Variants in ROBO1 observed in about 807,000 individuals in gnomAD.
The protein encoded by ROBO1 is roundabout guidance receptor 1.
A neutral mutation model predicts 195.9 loss-of-function variants in ROBO1; 149 were observed. That is an observed-to-expected ratio of 0.76 (90% confidence interval 0.67 to 0.87). ROBO1 has a LOEUF of 0.87. Among genes scored for constraint, ROBO1 ranks in the 40% least tolerant of loss-of-function variants. The probability of loss-of-function intolerance (pLI) is 0.00; values close to 1 mark genes in which losing one functional copy is unlikely to be tolerated. For missense variants in ROBO1, 1,933 were observed against 2,068.3 expected (o/e 0.93, Z 1.27); for synonymous variants, 816 against 733.2 (o/e 1.11, Z -1.82).
intron 2 of ROBO1, among the ~76,000 whole-genome samples, chr3:79,453,921 G>A (rs1225070412): frequency 3.3e-5 from 5 of 152,108 alleles, no homozygotes; most frequent in Admixed American, 3.3e-4. Context: ...TGCAGAAAGT[G>A]TTGATTCCAG....
chr3:79,461,801 A>G (rs567429416), intron 2 of ROBO1, among the ~76,000 whole-genome samples: 125 of 152,296 alleles, frequency 8.2e-4, no homozygotes, highest in Non-Finnish European at 1.3e-3. Flanking sequence ...TCATTTTGAC[A>G]TAATGTTTGA....
At chr3:78,865,325 T>C (rs2035100773) in intron 4 of ROBO1, among the ~76,000 whole-genome samples, 1 of 152,208 alleles carries the variant, frequency 6.6e-6, no homozygotes, top group Non-Finnish European at 1.5e-5. Flanking sequence ...GTTTTGATTT[T>C]TATCACAACT....
At chr3:79,704,726 T>C (rs1421468263) in intron 1 of ROBO1, among the ~76,000 whole-genome samples, 2 of 152,184 alleles carry the variant, frequency 1.3e-5, no homozygotes, top group East Asian at 1.9e-4. Context: ...CTGTGTCATA[T>C]AATAGGAGTG....
At chr3:79,403,348 A>G (rs952447940) in intron 2 of ROBO1, among the ~76,000 whole-genome samples, 11 of 152,002 alleles carry the variant, frequency 7.2e-5, no homozygotes, top group African/African-American at 2.7e-4. Flanking sequence ...AACAAATTCA[A>G]AGAAAAAAAG....
At chr3:79,668,438 G>C (rs940504057) in intron 1 of ROBO1, among the ~76,000 whole-genome samples, 1 of 149,702 alleles carries the variant, frequency 6.7e-6, no homozygotes, top group Admixed American at 6.7e-5. Flanking sequence ...AAAAAAAACA[G>C]TGAAAGAATA....
At chr3:78,673,106 T>C (rs1209046380) in intron 10 of ROBO1, among the ~76,000 whole-genome samples, 4 of 152,126 alleles carry the variant, frequency 2.6e-5, no homozygotes, top group Non-Finnish European at 5.9e-5. Flanking sequence ...ATATGGTAAG[T>C]AGCTACCTTA....
intron 2 of ROBO1, among the ~76,000 whole-genome samples, chr3:79,456,392 TCAAATA>T (rs1559912485): frequency 1.3e-5 from 2 of 152,264 alleles, no homozygotes; most frequent in African/African-American, 4.8e-5. Context: ...ACAATTTTAC[TCAAATA>T]CAAAGTGTAT....
chr3:78,917,663 T>C lies in ROBO1; in HGVS notation c.499+20938A>G, dbSNP rs529720701. On this transcript the variant is annotated intron_variant, in intron 4 of 30. Transcript: ENST00000464233. Reference sequence around the variant, plus strand: ...GAACTAAAACTGCAGTGTCAAGAAGTCCTTAAACATCCGGAACCTTTAAGC... The same window carrying C: ...GAACTAAAACTGCAGTGTCAAGAAGCCCTTAAACATCCGGAACCTTTAAGC... 8.5e-5 allele frequency among the ~76,000 whole-genome samples: 13 copies of C among 152,234 alleles called. No homozygotes were observed. In the South Asian group the frequency reaches 2.7e-3, roughly 32 times the overall value.
At chr3:79,745,477 C>T (rs1703833895) in intron 1 of ROBO1, among the ~76,000 whole-genome samples, 1 of 152,122 alleles carries the variant, frequency 6.6e-6, no homozygotes, top group South Asian at 2.1e-4. Flanking sequence ...TGCAAGGAGA[C>T]TCATTCACAT....
intron 2 of ROBO1, among the ~76,000 whole-genome samples, chr3:79,357,205 T>C (rs1228006271): frequency 6.6e-6 from 1 of 152,154 alleles, no homozygotes; most frequent in Non-Finnish European, 1.5e-5. Context: ...CTCTCTTCTT[T>C]TCCTGACTCT....
chr3:79,265,065 TG>T (rs2083013163), intron 2 of ROBO1, among the ~76,000 whole-genome samples: 1 of 151,884 alleles, frequency 6.6e-6, no homozygotes, highest in African/African-American at 2.4e-5. Flanking sequence ...CCACTAGGGC[TG>T]GGAAAGTTAT....
intron 2 of ROBO1, among the ~76,000 whole-genome samples, chr3:79,204,974 ATTAGTTAG>A (rs113126682): frequency 0.044 from 6,684 of 150,406 alleles, 430 homozygotes; most frequent in African/African-American, 0.15. Context: ...GACTTGGAGA[ATTAGTTAG>A]TTAGTTAGTT....
chr3:79,752,661 A>G (rs930471459), intron 1 of ROBO1, among the ~76,000 whole-genome samples: 1 of 152,180 alleles, frequency 6.6e-6, no homozygotes, highest in East Asian at 1.9e-4. Context: ...TGATTGGCAT[A>G]TTTGAAAGTT....
At chr3:78,681,319 A>G (rs2080902011) in intron 10 of ROBO1, among the ~76,000 whole-genome samples, 1 of 152,108 alleles carries the variant, frequency 6.6e-6, no homozygotes, top group African/African-American at 2.4e-5. Context: ...TGTACCCTAA[A>G]ACTTAAAGTA....
In ROBO1 at chr3:79,050,997, G is replaced by T. The variant is rs2078685980; in HGVS notation, c.172+74459C>A. ...TGACACCCTAACATCACAATTAAAAGAACTGAGAAGCAAGAGCAAACAAAT... is the reference window on the plus strand; with the variant it reads ...TGACACCCTAACATCACAATTAAAATAACTGAGAAGCAAGAGCAAACAAAT... On this transcript the variant is annotated intron_variant, in intron 3 of 30. Coordinates refer to ENST00000464233, the MANE Select transcript of ROBO1 (RefSeq NM_002941.4). Among the ~76,000 whole-genome samples the T allele has an allele frequency of 3.9e-5, 6 of 152,088 alleles. No homozygotes were observed. The South Asian group carries it at 1.0e-3, about 26-fold the overall frequency.
intron 8 of ROBO1, among the ~76,000 whole-genome samples, chr3:78,711,350 C>CCTTCCTTTCTTTCTTT (rs2081700362): frequency 2.1e-5 from 1 of 46,860 alleles, no homozygotes; most frequent in African/African-American, 1.5e-4. Context: ...CTTCCTTCCT[C>CCTTCCTTTCTTTCTTT]CTTCCTTCCT....
At chr3:78,636,937 A>T (rs1321340854) in intron 22 of ROBO1, among the ~76,000 whole-genome samples, 2 of 43,260 alleles carry the variant, frequency 4.6e-5, no homozygotes, top group African/African-American at 1.9e-4. Flanking sequence ...CATTCATTTT[A>T]TATATATATA....
rs183871858 is a variant in ROBO1 at position 79,377,652 on chromosome 3, G to A, written c.88+212172C>T. ...CCCTGTGTCATATGTTATTTTGACC[G>A]CATTTTCACTTCGTAATTCATCAGA... On this transcript the variant is annotated intron_variant, in intron 2 of 30. Coordinates refer to ENST00000464233, the MANE Select transcript of ROBO1 (RefSeq NM_002941.4). Among the ~76,000 whole-genome samples, 9 of 152,040 alleles carry A rather than the reference G, an allele frequency of 5.9e-5. No individual in the cohort carries two copies. The East Asian group carries it at 9.7e-4, about 16-fold the overall frequency.
chr3:79,239,975 G>T (rs2082482038), intron 2 of ROBO1, among the ~76,000 whole-genome samples: 1 of 152,066 alleles, frequency 6.6e-6, no homozygotes, highest in Admixed American at 6.6e-5. Flanking sequence ...GTAGCATGTG[G>T]TATATATTGT....
Sources: allele counts gnomAD v4.1 joint callset (sites outside exome capture counted in the v4.1 genomes callset), GRCh38; gene constraint gnomAD v4.1.1; transcripts MANE v1.5; gene names NCBI Gene and HGNC (gene_info 2026-07-23, HGNC 2026-07-21).